The following ARHGAP32 variants were observed in gnomAD, a reference collection of about 807,000 sequenced individuals.
ARHGAP32 encodes Rho GTPase activating protein 32, also known as rho GTPase-activating protein 32.
ARHGAP32 carries 51 observed loss-of-function variants against 186.5 expected under a neutral mutation model. The observed-to-expected ratio is 0.27, with a 90% CI of 0.22 to 0.35. The LOEUF (loss-of-function observed/expected upper bound fraction) is 0.35. ARHGAP32 is among the 10% of genes least tolerant of loss of function. The pLI is 1.00. For missense variants in ARHGAP32, 2,186 were observed against 2,623.5 expected (o/e 0.83, Z 3.64); for synonymous variants, 950 against 964.3 (o/e 0.99, Z 0.27).
intron 1 of ARHGAP32, among the ~76,000 whole-genome samples, chr11:129,183,001 A>G (rs1246845466): frequency 1.3e-5 from 2 of 152,078 alleles, no homozygotes; most frequent in East Asian, 3.8e-4. Context: ...GATCATTTGT[A>G]ATTCATCCTT....
chr11:129,026,749 C>G (rs1938866386), intron 11 of ARHGAP32, among the ~76,000 whole-genome samples: 1 of 139,380 alleles, frequency 7.2e-6, no homozygotes, highest in Non-Finnish European at 1.5e-5. Flanking sequence ...TGCAGTGAGC[C>G]AAGTAGCGCC....
At chr11:129,089,784 C>T (rs1259501001) in intron 6 of ARHGAP32, among the ~76,000 whole-genome samples, 1 of 152,122 alleles carries the variant, frequency 6.6e-6, no homozygotes, top group African/African-American at 2.4e-5. Flanking sequence ...TCAGCCCAAA[C>T]AAGAGATCAT....
intron 7 of ARHGAP32, among the ~76,000 whole-genome samples, chr11:129,065,738 T>TTA (rs1232614156): frequency 6.6e-6 from 1 of 152,030 alleles, no homozygotes; most frequent in Non-Finnish European, 1.5e-5. Flanking sequence ...GGGGAGTGGC[T>TTA]TACACCAATT....
At chr11:129,093,543 G>T in intron 6 of ARHGAP32, 78 bp downstream of exon 6, 3 of 994,974 alleles carry the variant, frequency 3.0e-6, no homozygotes, top group South Asian at 1.4e-5. Context: ...GGCAAATCAC[G>T]TTATAGAAAT....
At chr11:129,278,148 C>T (rs1283062620) in intron 1 of ARHGAP32, among the ~76,000 whole-genome samples, 11 of 152,182 alleles carry the variant, frequency 7.2e-5, no homozygotes, top group Non-Finnish European at 1.5e-5. Flanking sequence ...TTCAGACTGA[C>T]TTAAAAGGTC....
intron 10 of ARHGAP32, among the ~76,000 whole-genome samples, chr11:129,056,945 C>T (rs149329375): frequency 1.3e-5 from 2 of 152,216 alleles, no homozygotes; most frequent in East Asian, 3.9e-4. Context: ...GGAAAACCAC[C>T]GGTGACAGCC....
intron 11 of ARHGAP32, among the ~76,000 whole-genome samples, chr11:129,017,841 A>T (rs923234310): frequency 6.6e-6 from 1 of 152,172 alleles, no homozygotes; most frequent in South Asian, 2.1e-4. Flanking sequence ...TTGGGTAGAA[A>T]CCTTAAATAT....
At chr11:129,182,861 T>C (rs557711417) in intron 1 of ARHGAP32, among the ~76,000 whole-genome samples, 2 of 152,130 alleles carry the variant, frequency 1.3e-5, no homozygotes, top group South Asian at 2.1e-4. Flanking sequence ...TTGACTAGGC[T>C]GGTTTCAAAC....
chr11:129,063,487 T>C (rs933552640), intron 9 of ARHGAP32, among the ~76,000 whole-genome samples: 5 of 152,276 alleles, frequency 3.3e-5, no homozygotes, highest in African/African-American at 1.2e-4. Context: ...TTGGGTATTG[T>C]TTTTAGGTAC....
At chr11:129,094,127 C>T (rs900966278) in intron 5 of ARHGAP32, among the ~76,000 whole-genome samples, 1 of 151,670 alleles carries the variant, frequency 6.6e-6, no homozygotes, top group Non-Finnish European at 1.5e-5. Context: ...TTAATGGGTA[C>T]AAAATAAACA....
At chr11:129,197,186 TCA>T (rs1488673718), upstream of ARHGAP32, among the ~76,000 whole-genome samples, 1 of 152,228 alleles carries the variant, frequency 6.6e-6, no homozygotes, top group African/African-American at 2.4e-5. Context: ...GTCTCTGATC[TCA>T]CAGTTTTTTA....
intron 6 of ARHGAP32, among the ~76,000 whole-genome samples, chr11:129,070,184 C>G (rs1940825944): frequency 6.6e-6 from 1 of 151,968 alleles, no homozygotes; most frequent in Non-Finnish European, 1.5e-5. Context: ...ACAGTTTCCT[C>G]ATCTGTAAAA....
intron 5 of ARHGAP32, among the ~76,000 whole-genome samples, chr11:129,098,935 C>T (rs1209799048): frequency 6.6e-6 from 1 of 151,870 alleles, no homozygotes; most frequent in African/African-American, 2.4e-5. Flanking sequence ...AAATGTAATC[C>T]TCATGGCAAC....
intron 11 of ARHGAP32, among the ~76,000 whole-genome samples, chr11:129,013,761 A>G (rs1245910333): frequency 6.6e-6 from 1 of 152,198 alleles, no homozygotes; most frequent in East Asian, 1.9e-4. Context: ...AAGTAACCAA[A>G]AAGAGCTTAT....
At position 129,040,945 on chromosome 11, in the gene ARHGAP32, T is replaced by C. The variant is rs1213062026; in HGVS notation, c.1028A>G (p.Asn343Ser). The C allele has an allele frequency of 1.7e-5, 28 of 1,606,044 alleles. No individual in the cohort carries two copies. The highest frequency in any genetic ancestry group is 2.3e-5 in the Non-Finnish European group (27 of 1,176,162). Reference protein sequence around the residue: ...INQKVPQSVTNSVPKPVSKKH... With the variant: ...INQKVPQSVTSSVPKPVSKKH... ...GTACTCACCTGGTTTTGGCACTGAG[T>C]TGGTCACTGACTGGGGAACTTTTTG... is the stretch of plus-strand genomic sequence containing the variant. Residue 343 changes from asparagine to serine, a missense_variant, in exon 11 of 23, where the codon AAC becomes AGC. Around this residue, in one of 5 missense-constraint regions of ARHGAP32, gnomAD observed 308 missense variants for 596.5 expected, o/e 0.52. Transcript: ENST00000682385.
intron 1 of ARHGAP32, among the ~76,000 whole-genome samples, chr11:129,180,498 A>G (rs1451178858): frequency 6.6e-6 from 1 of 152,160 alleles, no homozygotes; most frequent in Non-Finnish European, 1.5e-5. Flanking sequence ...GTTATACCTC[A>G]AAGTGTAAAA....
chr11:129,258,438 T>A (rs1022529333), intron 1 of ARHGAP32, among the ~76,000 whole-genome samples: 1 of 152,178 alleles, frequency 6.6e-6, no homozygotes, highest in Non-Finnish European at 1.5e-5. Context: ...CAGCCTGCTA[T>A]CTGCAGCAGT....
rs139057891 is a variant in ARHGAP32 at position 129,220,462 on chromosome 11, C to T, written c.-4-56035G>A. On this transcript the variant is annotated intron_variant, in intron 1 of 6. Transcript: ENST00000525234. ...CAGTACAACAGAAAACAAAAGGTCACTCAAAAACTGTCCAAAACCTAAGTA... is the reference window on the plus strand; with the variant it reads ...CAGTACAACAGAAAACAAAAGGTCATTCAAAAACTGTCCAAAACCTAAGTA... Among the ~76,000 whole-genome samples, 418 of 152,270 alleles carry T rather than the reference C, an allele frequency of 2.7e-3. 2 individuals are homozygous for T. Among genetic ancestry groups the T allele is most frequent in the African/African-American group, 9.5e-3 (393 of 41,566 alleles).
At chr11:129,060,890 T>C (rs1162905494) in intron 10 of ARHGAP32, among the ~76,000 whole-genome samples, 2 of 152,120 alleles carry the variant, frequency 1.3e-5, no homozygotes, top group Non-Finnish European at 2.9e-5. Context: ...AAGATAATCA[T>C]GTGAGGTAAA....
Sources: gnomAD v4.1 joint callset for allele counts (sites outside exome capture counted in the v4.1 genomes callset) on GRCh38, gnomAD v4.1.1 for gene constraint, gnomAD v4.1.1 regional missense constraint, MANE v1.5 for transcripts, NCBI Gene and HGNC (gene_info 2026-07-23, HGNC 2026-07-21) for gene names.